The following NDUFAF6 variants were observed in gnomAD, a reference collection of about 807,000 sequenced individuals.
NDUFAF6 encodes NADH:ubiquinone oxidoreductase complex assembly factor 6.
NDUFAF6 carries 45 observed loss-of-function variants against 40.8 expected under a neutral mutation model. The observed-to-expected ratio is 1.10, with a 90% confidence interval of 0.87 to 1.42. The LOEUF is 1.42. NDUFAF6 is among the 40% of genes most tolerant of loss of function. The pLI is 0.00. For missense variants in NDUFAF6, 435 were observed against 418.5 expected (o/e 1.04, Z -0.34); for synonymous variants, 185 against 155.9 (o/e 1.19, Z -1.39).
intron 9 of NDUFAF6, among the ~76,000 whole-genome samples, chr8:95,065,586 G>T (rs942812982): frequency 2.0e-5 from 3 of 152,200 alleles, no homozygotes; most frequent in Admixed American, 1.3e-4. Context: ...TATTTAGTGG[G>T]AGTATGTTCT....
At chr8:94,921,532 C>T (rs954242378) in intron 1 of NDUFAF6, among the ~76,000 whole-genome samples, 1 of 152,208 alleles carries the variant, frequency 6.6e-6, no homozygotes, top group Non-Finnish European at 1.5e-5. Flanking sequence ...ATACTGTTAT[C>T]AGAAGGGAAA....
At chr8:94,986,074 C>T (rs112980192) in intron 2 of NDUFAF6, among the ~76,000 whole-genome samples, 15,246 of 151,828 alleles carry the variant, frequency 0.1, 1,416 homozygotes, top group African/African-American at 0.24. Flanking sequence ...GGGGTTTCAC[C>T]GTGTTAACCA....
At chr8:94,956,308 G>A (rs1288684009), upstream of NDUFAF6, among the ~76,000 whole-genome samples, 3 of 152,214 alleles carry the variant, frequency 2.0e-5, no homozygotes, top group Admixed American at 6.5e-5. Context: ...GGTCAAGGAA[G>A]GCCTCTCCAG....
intron 1 of NDUFAF6, chr8:94,939,767 T>G (rs1821341855): frequency 6.6e-7 from 1 of 1,522,862 alleles, no homozygotes; most frequent in Non-Finnish European, 8.8e-7. Flanking sequence ...AAAATTAGTT[T>G]TGCATCTTCT....
chr8:95,077,913 C>T (rs553661223), downstream of NDUFAF6, among the ~76,000 whole-genome samples: 19 of 152,142 alleles, frequency 1.2e-4, no homozygotes, highest in Admixed American at 1.2e-3. Context: ...GCCAGCCCCC[C>T]GAGATGGAGC....
At chr8:95,026,239 C>T (rs572535563) in intron 1 of NDUFAF6, among the ~76,000 whole-genome samples, 4 of 152,056 alleles carry the variant, frequency 2.6e-5, no homozygotes, top group East Asian at 1.9e-4. Flanking sequence ...AGGCTGAGAC[C>T]GGTGGGTTGT....
At chr8:94,939,821 A>C in intron 1 of NDUFAF6, 1 of 1,579,300 alleles carries the variant, frequency 6.3e-7, no homozygotes, top group Non-Finnish European at 8.6e-7. Flanking sequence ...ATGCATGCTC[A>C]GTGGACTGCC....
intron 2 of NDUFAF6, among the ~76,000 whole-genome samples, chr8:94,947,079 G>C (rs886410150): frequency 1.3e-5 from 2 of 152,172 alleles, no homozygotes; most frequent in African/African-American, 4.8e-5. Flanking sequence ...GGAAACCGAG[G>C]CTGAGGAATT....
intron 1 of NDUFAF6, among the ~76,000 whole-genome samples, chr8:94,904,449 T>TAG (rs1264803305): frequency 1.3e-5 from 2 of 149,268 alleles, no homozygotes; most frequent in African/African-American, 2.5e-5. Context: ...GTGCTGGGAT[T>TAG]AGAGGTGTGA....
chr8:95,048,615 T>G, intron 7 of NDUFAF6, 57 bp downstream of exon 7: 1 of 1,200,476 alleles, frequency 8.3e-7, no homozygotes, highest in East Asian at 2.3e-5. Context: ...TAGATGTGGC[T>G]CTTCTTAGAA....
chr8:95,032,212 T>G, intron 2 of NDUFAF6, 118 bp downstream of exon 2: 1 of 861,952 alleles, frequency 1.2e-6, no homozygotes, highest in Non-Finnish European at 1.9e-6. Context: ...AGGTCTCTGC[T>G]AGTGATTTCT....
chr8:94,947,511 G>A (rs967690793), intron 2 of NDUFAF6, among the ~76,000 whole-genome samples: 6 of 152,164 alleles, frequency 3.9e-5, no homozygotes, highest in African/African-American at 9.7e-5. Flanking sequence ...AGCCAAGAAA[G>A]TTATCTCTGC....
intron 2 of NDUFAF6, chr8:95,034,198 G>A: frequency 2.6e-6 from 1 of 387,020 alleles, no homozygotes; most frequent in Non-Finnish European, 5.2e-6. Context: ...GTCTACATAT[G>A]TATATATACA....
intron 2 of NDUFAF6, among the ~76,000 whole-genome samples, chr8:94,950,609 G>A (rs894517859): frequency 1.3e-5 from 2 of 152,202 alleles, no homozygotes; most frequent in African/African-American, 4.8e-5. Context: ...AAATATGATG[G>A]TCATTGGACC....
At chr8:95,072,743 G>T (rs1361585887) in intron 9 of NDUFAF6, 1 of 153,140 alleles carries the variant, frequency 6.5e-6, no homozygotes, top group Non-Finnish European at 1.5e-5. Context: ...GTGTGGTGGT[G>T]CAAGCCACTG....
downstream of NDUFAF6, among the ~76,000 whole-genome samples, chr8:95,078,255 G>A (rs550622112): frequency 6.6e-5 from 10 of 152,214 alleles, no homozygotes; most frequent in Non-Finnish European, 1.3e-4. Context: ...ATTGAGTGTG[G>A]AGAACTTAGT....
In NDUFAF6 at chr8:95,046,117, G is replaced by A. The variant is rs554630310; in HGVS notation, c.580+470G>A. Among the ~76,000 whole-genome samples the A allele has an allele frequency of 2.0e-5, 3 of 152,046 alleles. No individual in the cohort carries two copies. In the South Asian group the frequency reaches 6.2e-4, roughly 32 times the overall value. On this transcript the variant is annotated intron_variant, in intron 5 of 8. Coordinates refer to ENST00000396124, the MANE Select transcript of NDUFAF6 (RefSeq NM_152416.4). The stretch of plus-strand genomic sequence containing the variant: ...CGCTTTGTCCCCAGGCTGGAGTGCA[G>A]TGGCTCAATCTCGGCTCACTGCAAC...
At chr8:95,014,757 G>T (rs1827370265) in intron 2 of NDUFAF6, among the ~76,000 whole-genome samples, 1 of 152,156 alleles carries the variant, frequency 6.6e-6, no homozygotes, top group South Asian at 2.1e-4. Context: ...GCTAGGATTT[G>T]GGGATCAACC....
At chr8:94,948,782 G>A (rs1020698344) in intron 2 of NDUFAF6, among the ~76,000 whole-genome samples, 1 of 152,116 alleles carries the variant, frequency 6.6e-6, no homozygotes, top group African/African-American at 2.4e-5. Context: ...GAGTGAGGAG[G>A]GGTGAGAGGA....
Sources: gnomAD v4.1 joint callset for allele counts (sites outside exome capture counted in the v4.1 genomes callset) on GRCh38, gnomAD v4.1.1 for gene constraint, MANE v1.5 for transcripts, NCBI Gene and HGNC (gene_info 2026-07-23, HGNC 2026-07-21) for gene names.